TBL1XR1: variants seen among roughly 807,000 people sequenced by gnomAD.
TBL1XR1 encodes F-box-like/WD repeat-containing protein TBL1XR1.
In TBL1XR1, 5 loss-of-function variants were observed where a neutral mutation model predicts 66.9. The observed-to-expected ratio is 0.07, with a 90% CI of 0.04 to 0.16. The LOEUF is 0.16. Among genes scored for constraint, TBL1XR1 ranks in the 10% least tolerant of loss-of-function variants. The pLI is 1.00. For synonymous variants in TBL1XR1, 210 were observed against 206.0 expected, an observed-to-expected ratio of 1.02 and a Z score of -0.17; for missense variants, 238 against 623.2, an observed-to-expected ratio of 0.38 and a Z score of 6.58.
intron 2 of TBL1XR1, among the ~76,000 whole-genome samples, chr3:177,097,365 C>T (rs942839067): frequency 6.6e-6 from 1 of 152,022 alleles, no homozygotes; most frequent in Admixed American, 6.6e-5. Flanking sequence ...AATATTATTT[C>T]GGTAAGAAAT....
intron 1 of TBL1XR1, among the ~76,000 whole-genome samples, chr3:177,112,110 T>A (rs1382193500): frequency 0.012 from 1,044 of 88,194 alleles, 23 homozygotes; most frequent in African/African-American, 0.043. Flanking sequence ...TATATATATT[T>A]TTTTTTTTTT....
At chr3:177,131,765 G>T (rs1728320617) in intron 1 of TBL1XR1, among the ~76,000 whole-genome samples, 1 of 152,088 alleles carries the variant, frequency 6.6e-6, no homozygotes, top group Admixed American at 6.5e-5. Context: ...GTCTCCCAAA[G>T]TGCTAGGATC....
At chr3:177,093,295 C>T (rs962569345) in intron 2 of TBL1XR1, among the ~76,000 whole-genome samples, 2 of 152,072 alleles carry the variant, frequency 1.3e-5, no homozygotes, top group Non-Finnish European at 2.9e-5. Flanking sequence ...ACAAGGAAAA[C>T]TACAAAACAC....
rs1712453462 is a variant in TBL1XR1 at position 177,022,110 on chromosome 3, A to T, written c.*3388T>A. The T allele has an allele frequency of 6.6e-6, 1 of 152,598 alleles. No homozygotes were observed. The highest frequency in any genetic ancestry group is 1.5e-5 in the Non-Finnish European group (1 of 67,994). The allele number at this position is 152,598 out of a possible 1,614,324, so 9.5% of individuals were successfully genotyped here. ...GTACTCTCTCATTAAATCTAATTTG[A>T]CAGAAAGAAGTTTAAGGGAAAAAGG... On this transcript the variant is annotated 3_prime_UTR_variant, in exon 16 of 16. Transcript: ENST00000457928.
intron 7 of TBL1XR1, among the ~76,000 whole-genome samples, chr3:177,049,704 C>G (rs1716792256): frequency 1.3e-5 from 2 of 152,152 alleles, no homozygotes; most frequent in Admixed American, 1.3e-4. Context: ...GTACCATTTT[C>G]ACACTTCTAC....
chr3:177,064,845 AT>A, intron 3 of TBL1XR1, 74 bp downstream of exon 3: 1 of 1,058,344 alleles, frequency 9.4e-7, no homozygotes, highest in Admixed American at 2.6e-5. Flanking sequence ...ACTGATACAA[AT>A]TTCAAATGCA....
intron 1 of TBL1XR1, among the ~76,000 whole-genome samples, chr3:177,172,465 CCA>C (rs1358135639): frequency 6.6e-6 from 1 of 151,238 alleles, no homozygotes; most frequent in Non-Finnish European, 1.5e-5. Context: ...CATTAGAAAA[CCA>C]CAGTCATCGG....
At chr3:177,165,492 T>C (rs1317908801) in intron 1 of TBL1XR1, among the ~76,000 whole-genome samples, 1 of 152,166 alleles carries the variant, frequency 6.6e-6, no homozygotes, top group African/African-American at 2.4e-5. Flanking sequence ...CAAACTTAAG[T>C]CTTAAGTTTA....
intron 12 of TBL1XR1, among the ~76,000 whole-genome samples, chr3:177,035,691 G>C (rs1447567035): frequency 6.6e-6 from 1 of 152,122 alleles, no homozygotes; most frequent in Non-Finnish European, 1.5e-5. Flanking sequence ...TTTAATTATA[G>C]GCATGAGCTG....
At chr3:177,089,272 C>T (rs1269165683) in intron 2 of TBL1XR1, among the ~76,000 whole-genome samples, 1 of 152,162 alleles carries the variant, frequency 6.6e-6, no homozygotes, top group Non-Finnish European at 1.5e-5. Context: ...TCCCTCATCA[C>T]TCAACTTTCC....
chr3:177,072,859 T>A (rs932795034), intron 2 of TBL1XR1, among the ~76,000 whole-genome samples: 2 of 151,978 alleles, frequency 1.3e-5, no homozygotes, highest in Admixed American at 6.6e-5. Flanking sequence ...AGGTCAGGAG[T>A]TCGAGACCAG....
At chr3:177,106,717 A>ATTC (rs1724938128) in intron 1 of TBL1XR1, among the ~76,000 whole-genome samples, 2 of 152,212 alleles carry the variant, frequency 1.3e-5, no homozygotes, top group Non-Finnish European at 2.9e-5. Context: ...GTTATAAAGG[A>ATTC]AGCTCCTTCC....
intron 2 of TBL1XR1, among the ~76,000 whole-genome samples, chr3:177,094,438 G>C (rs192427279): frequency 1.1e-4 from 17 of 152,304 alleles, no homozygotes; most frequent in Admixed American, 1.1e-3. Flanking sequence ...ACTAACAGTA[G>C]AACTACCATT....
Position 177,022,019 on chromosome 3 carries a change from C to T in TBL1XR1, c.*3479G>A, listed in dbSNP as rs995694663. ...ATGCACAGTCCTCTTTAGGCCTCTA[C>T]TCAATAATAGTTTACATTACTCTTA... On this transcript the variant is annotated 3_prime_UTR_variant, in exon 16 of 16. Transcript: ENST00000457928. The T allele has an allele frequency of 6.6e-6, 1 of 152,508 alleles. No homozygotes were observed. Among genetic ancestry groups the T allele is most frequent in the Non-Finnish European group, 1.5e-5 (1 of 67,982 alleles). 9.4% of individuals were successfully genotyped at this position (152,508 alleles called of 1,614,324 possible).
Position 177,026,469 on chromosome 3 carries a change from A to T in TBL1XR1, c.1422T>A (p.Gly474=). 1 of 1,595,146 alleles carries T rather than the reference A, an allele frequency of 6.3e-7. No homozygotes were observed. Among genetic ancestry groups the T allele is most frequent in the Non-Finnish European group, 8.5e-7 (1 of 1,174,592 alleles). Residue 474 remains glycine, a synonymous_variant, in exon 15 of 16, where the codon GGT becomes GGA. Transcript: ENST00000457928. ...KCVHIWNTQT[G]ALVHSYRGTG... The stretch of plus-strand genomic sequence containing the variant: ...TTCCCCTATAGCTGTGAACTAGAGC[A>T]CCTGTCTAAAAGAATGAAAAACAAA...
At chr3:177,037,808 C>CCATCCATCCA in intron 12 of TBL1XR1, 2 of 252,542 alleles carry the variant, frequency 7.9e-6, no homozygotes, top group Non-Finnish European at 1.5e-5. Flanking sequence ...ATCCATCCAT[C>CCATCCATCCA]TTCTTATTGG....
At chr3:177,082,350 T>C (rs1366097310) in intron 2 of TBL1XR1, among the ~76,000 whole-genome samples, 1 of 151,960 alleles carries the variant, frequency 6.6e-6, no homozygotes, top group Non-Finnish European at 1.5e-5. Context: ...AAAATGAATT[T>C]AAAATTGAGG....
rs148293570 is a variant in TBL1XR1 at position 177,100,347 on chromosome 3, A to G, written c.-121-1806T>C. Among the ~76,000 whole-genome samples the G allele has an allele frequency of 2.8e-3, 422 of 152,352 alleles. 2 individuals carry two copies. Among genetic ancestry groups the G allele is most frequent in the African/African-American group, 9.8e-3 (407 of 41,586 alleles). On this transcript the variant is annotated intron_variant, in intron 1 of 15. Transcript: ENST00000457928. ...TCTACATTCTTAATGTCTTAATGAT[A>G]GTTTTACATCATTAACTAGTATCTA...
chr3:177,091,857 G>A (rs1322120191), intron 2 of TBL1XR1, among the ~76,000 whole-genome samples: 1 of 152,140 alleles, frequency 6.6e-6, no homozygotes, highest in African/African-American at 2.4e-5. Flanking sequence ...CGAAATATCT[G>A]TTGGGGAAAG....
Sources: allele counts gnomAD v4.1 joint callset (sites outside exome capture counted in the v4.1 genomes callset), GRCh38; gene constraint gnomAD v4.1.1; transcripts MANE v1.5; gene names NCBI Gene and HGNC (gene_info 2026-07-23, HGNC 2026-07-21).